The following MYOF variants were observed in gnomAD, a reference collection of about 807,000 sequenced individuals.
MYOF encodes myoferlin.
MYOF carries 244 observed loss-of-function variants against 284.2 expected under a neutral mutation model. That is an observed-to-expected ratio of 0.86 (90% CI 0.77 to 0.95). The LOEUF (loss-of-function observed/expected upper bound fraction) is 0.95, where lower values mean the gene tolerates loss of function less well. Ranked by LOEUF, MYOF falls within the 40% of genes least tolerant of loss-of-function variation. The pLI is 0.00. For synonymous variants in MYOF, 904 were observed against 919.7 expected, an observed-to-expected ratio of 0.98 and a Z score of 0.31; for missense variants, 2,496 against 2,560.6, an observed-to-expected ratio of 0.97 and a Z score of 0.54.
At chr10:93,405,046 T>C (rs558100030) in intron 7 of MYOF, among the ~76,000 whole-genome samples, 1 of 152,244 alleles carries the variant, frequency 6.6e-6, no homozygotes, top group South Asian at 2.1e-4. Flanking sequence ...ACAGGACAGC[T>C]GAAAGAATGG....
chr10:93,387,340 G>C (rs1195368501), intron 19 of MYOF, among the ~76,000 whole-genome samples: 1 of 152,202 alleles, frequency 6.6e-6, no homozygotes, highest in Non-Finnish European at 1.5e-5. Flanking sequence ...CATCGACCTG[G>C]ATTCTCAGAA....
rs1302473651 is a variant in MYOF at position 93,382,287 on chromosome 10, G to C, written c.1699-891C>G. Among the ~76,000 whole-genome samples, 4 of 151,490 alleles carry C rather than the reference G, an allele frequency of 2.6e-5. No individual in the cohort carries two copies. In the South Asian group the frequency reaches 8.3e-4, roughly 32 times the overall value. The stretch of plus-strand genomic sequence containing the variant: ...AGGGTCTCATGCTGTCACCTAGGTT[G>C]GAGTGCAATGGCATGATCACGGCTT... On this transcript the variant is annotated intron_variant, in intron 19 of 53. Coordinates refer to ENST00000359263, the MANE Select transcript of MYOF (RefSeq NM_013451.4).
chr10:93,323,307 C>T lies in MYOF; in HGVS notation c.5323G>A (p.Gly1775Ser). The T allele has an allele frequency of 6.2e-7, 1 of 1,614,114 alleles. No individual in the cohort carries two copies. Among genetic ancestry groups the T allele is most frequent in the Non-Finnish European group, 8.5e-7 (1 of 1,179,940 alleles). The change falls in exon 47 of 54, where the codon GGC becomes AGC. Residue 1775 changes from glycine (G) to serine (S), a missense_variant. By Grantham distance (56) the Gly-to-Ser change is moderately conservative (BLOSUM62 0). Transcript: ENST00000359263. ...CGGGGTGTGATGTTGAAAGGAGGGC[C>T]TGGTGGCCCCAAACTCTTGGGGAAA... Reference protein sequence around the residue: ...DVFPKSLGPPGPPFNITPRKA... With the variant: ...DVFPKSLGPPSPPFNITPRKA...
chr10:93,409,066 G>A, intron 6 of MYOF, 151 bp from the exon 7 acceptor site: 3 of 1,180,796 alleles, frequency 2.5e-6, no homozygotes, highest in Non-Finnish European at 3.5e-6. Context: ...CCAATTGGGT[G>A]GAGCCACCTA....
At chr10:93,443,474 G>C (rs1589750) in intron 3 of MYOF, among the ~76,000 whole-genome samples, 5,714 of 38,218 alleles carry the variant, frequency 0.15, 118 homozygotes, top group Middle Eastern at 0.27. Flanking sequence ...CTCTCTCTCT[G>C]TGTGTGTGTG....
intron 19 of MYOF, among the ~76,000 whole-genome samples, chr10:93,385,019 A>G (rs1846297933): frequency 6.6e-6 from 1 of 152,198 alleles, no homozygotes. Context: ...TTGAGCCCTT[A>G]ATGTGGGCCA....
In MYOF at chr10:93,379,891, T is replaced by C. The variant is rs769713940; in HGVS notation, c.1973A>G (p.Asn658Ser). 4.3e-6 allele frequency: 7 copies of C among 1,613,998 alleles called. No individual in the cohort carries two copies. In the African/African-American group the frequency reaches 5.3e-5, roughly 12 times the overall value. The change falls in exon 21 of 54, where the codon AAC becomes AGC. Residue 658 changes from asparagine (N) to serine (S), a missense_variant. Physicochemically the swap from Asn to Ser is conservative, Grantham distance 46. Around this residue, in one of 3 missense-constraint regions of MYOF, gnomAD observed 2,436 missense variants for 2,480.7 expected, o/e 0.98. Coordinates refer to ENST00000359263, the MANE Select transcript of MYOF (RefSeq NM_013451.4). ...EDISHRLDAV[N>S]TLLAMAERLQ... is the part of the protein sequence containing the mutation. ...CCGTTCTGCCATAGCTAGGAGAGTG[T>C]TCACCGCATCCAGGCGATGACTAAT...
intron 50 of MYOF, among the ~76,000 whole-genome samples, chr10:93,313,418 C>T (rs930381893): frequency 2.0e-5 from 3 of 152,228 alleles, no homozygotes; most frequent in African/African-American, 7.2e-5. Context: ...CACTGCACAG[C>T]ATCTCCTGTT....
chr10:93,481,036 G>T (rs987463327), intron 1 of MYOF, among the ~76,000 whole-genome samples: 53 of 151,986 alleles, frequency 3.5e-4, no homozygotes, highest in Middle Eastern at 3.4e-3. Context: ...AAGTGAGTTG[G>T]CAGTCTTACC....
Position 93,396,206 on chromosome 10 carries a change from AT to A in MYOF, c.1352del (p.Asn451MetfsTer3). 1.2e-6 allele frequency: 2 copies of A among 1,601,580 alleles called. No individual in the cohort carries two copies. Among genetic ancestry groups the A allele is most frequent in the Non-Finnish European group, 1.7e-6 (2 of 1,173,536 alleles). On this transcript the variant is annotated frameshift_variant, in exon 16 of 54. Transcript: ENST00000359263. LOFTEE classifies it high-confidence loss of function. Reference sequence around the variant, plus strand: ...GTAGATATGTTGTTCCAACTACATCATTTTTAGTAAGACGGTCCCTGTGTAA... The same window carrying A: ...GTAGATATGTTGTTCCAACTACATCATTTTAGTAAGACGGTCCCTGTGTAA... ...TIYDWDRLTK[N>X]DVVGTTYLHL...
chr10:93,436,367 T>C (rs1849120579), intron 3 of MYOF, among the ~76,000 whole-genome samples: 1 of 152,220 alleles, frequency 6.6e-6, no homozygotes, highest in Non-Finnish European at 1.5e-5. Flanking sequence ...AACCTCAATT[T>C]CTTCTTTTAG....
intron 3 of MYOF, among the ~76,000 whole-genome samples, chr10:93,434,852 C>T (rs979146734): frequency 6.6e-6 from 1 of 152,014 alleles, no homozygotes; most frequent in Non-Finnish European, 1.5e-5. Context: ...CCGTGACATA[C>T]TGAAGACACC....
chr10:93,330,653 T>G (rs1265278822), intron 43 of MYOF, among the ~76,000 whole-genome samples: 1 of 152,106 alleles, frequency 6.6e-6, no homozygotes. Context: ...GGGTGGGCGA[T>G]GTATGCTAGA....
chr10:93,316,914 C>A (rs556768638), intron 49 of MYOF, 101 bp from the exon 50 acceptor site: 2 of 842,214 alleles, frequency 2.4e-6, no homozygotes, highest in South Asian at 1.5e-5. Context: ...TTTGCACCCC[C>A]ACCCTGACAC....
rs140834462 is a variant in MYOF at position 93,408,946 on chromosome 10, C to A, written c.601-31G>T. 6.5e-4 allele frequency: 1,043 copies of A among 1,612,912 alleles called. 6 individuals are homozygous for A. In the African/African-American group the frequency reaches 0.013, roughly 19 times the overall value. ...GCACAGAAGGGGGATGGTTACCCAA[C>A]CTTTCCCAGCACGTGGGATCCTTAG... On this transcript the variant is annotated intron_variant, in intron 6 of 53. Coordinates refer to ENST00000359263, the MANE Select transcript of MYOF (RefSeq NM_013451.4).
At chr10:93,363,640 T>C (rs1845179748) in intron 27 of MYOF, among the ~76,000 whole-genome samples, 1 of 152,194 alleles carries the variant, frequency 6.6e-6, no homozygotes, top group Admixed American at 6.5e-5. Context: ...CGTTCCAGCC[T>C]GGGAAACAGA....
Position 93,341,823 on chromosome 10 carries a change from C to T in MYOF, c.4327-1659G>A, listed in dbSNP as rs898600347. On this transcript the variant is annotated intron_variant, in intron 38 of 53. Transcript: ENST00000359263. ...AGATCACTTTTCACTCCAAAATCTA[C>T]TAATGGAAAGAGTTGTAAGAATAAT... The T allele has an allele frequency of 3.8e-5, 33 of 859,038 alleles. No individual in the cohort carries two copies. The African/African-American group carries it at 5.6e-4, about 15-fold the overall frequency. The allele number at this position is 859,038 out of a possible 1,614,324, so 53.2% of individuals were successfully genotyped here.
At chr10:93,478,032 G>C in intron 1 of MYOF, 1 of 177,730 alleles carries the variant, frequency 5.6e-6, no homozygotes, top group Non-Finnish European at 1.1e-5. Flanking sequence ...AACAGTGGGA[G>C]AGAGAAAGAA....
chr10:93,307,033 A>G, intron 53 of MYOF, 32 bp from the exon 54 acceptor site: 2 of 1,582,080 alleles, frequency 1.3e-6, no homozygotes, highest in Non-Finnish European at 1.7e-6. Flanking sequence ...TGGTAAAAAA[A>G]CATGTATGTA....
Sources: gnomAD v4.1 joint callset for allele counts (sites outside exome capture counted in the v4.1 genomes callset) on GRCh38, gnomAD v4.1.1 for gene constraint, gnomAD v4.1.1 regional missense constraint, MANE v1.5 for transcripts, NCBI Gene and HGNC (gene_info 2026-07-23, HGNC 2026-07-21) for gene names.